The following DOK6 variants were observed in gnomAD, a reference collection of about 807,000 sequenced individuals.
DOK6 encodes docking protein 6, also known as downstream of tyrosine kinase 6.
Under a neutral mutation model 44.0 loss-of-function variants are expected in DOK6, and 22 were observed. That is an observed-to-expected ratio of 0.50 (90% CI 0.36 to 0.71). The LOEUF is 0.71. DOK6 is among the 30% of genes least tolerant of loss of function. The probability of loss-of-function intolerance (pLI) is 0.00; values close to 1 mark genes in which losing one functional copy is unlikely to be tolerated. For synonymous variants in DOK6, 166 were observed against 145.5 expected, an observed-to-expected ratio of 1.14 and a Z score of -1.01; for missense variants, 340 against 416.4, an observed-to-expected ratio of 0.82 and a Z score of 1.60.
chr18:69,463,662 C>T (rs770522779), intron 1 of DOK6, among the ~76,000 whole-genome samples: 10 of 151,014 alleles, frequency 6.6e-5, no homozygotes, highest in East Asian at 2.0e-4. Context: ...TGTGTATCTG[C>T]GTGTAAATAT....
intron 1 of DOK6, among the ~76,000 whole-genome samples, chr18:69,409,643 T>C (rs1312969993): frequency 2.0e-5 from 3 of 152,206 alleles, no homozygotes; most frequent in Non-Finnish European, 4.4e-5. Flanking sequence ...AACCATTTTA[T>C]GTCTACATTG....
intron 7 of DOK6, among the ~76,000 whole-genome samples, chr18:69,810,050 G>A (rs978532929): frequency 1.4e-4 from 21 of 151,932 alleles, no homozygotes; most frequent in Admixed American, 5.9e-4. Flanking sequence ...AAGGAACAAA[G>A]CTGGAGGCAT....
chr18:69,712,666 G>A lies in DOK6; in HGVS notation c.599+14073G>A, dbSNP rs147934838. 3.3e-3 allele frequency among the ~76,000 whole-genome samples: 508 copies of A among 152,216 alleles called. 4 individuals are homozygous for A. Among genetic ancestry groups the A allele is most frequent in the South Asian group, 0.013 (63 of 4,816 alleles). ...TTGAGACCAGCCTGGCCAACATGGC[G>A]AAACCCCCCATCTCTACTAAAAATA... is the stretch of plus-strand genomic sequence containing the variant. On this transcript the variant is annotated intron_variant, in intron 5 of 7. Coordinates refer to ENST00000382713, the MANE Select transcript of DOK6 (RefSeq NM_152721.6).
intron 1 of DOK6, among the ~76,000 whole-genome samples, chr18:69,486,508 T>A (rs2144535558): frequency 6.6e-6 from 1 of 152,328 alleles, no homozygotes; most frequent in Middle Eastern, 3.4e-3. Flanking sequence ...AAATCTGCCA[T>A]CCAGAATGGA....
At chr18:69,630,046 C>T (rs1984654986) in intron 3 of DOK6, among the ~76,000 whole-genome samples, 1 of 152,116 alleles carries the variant, frequency 6.6e-6, no homozygotes, top group Non-Finnish European at 1.5e-5. Context: ...TGGTCTTTAA[C>T]ATACCCTCAG....
intron 3 of DOK6, among the ~76,000 whole-genome samples, chr18:69,640,267 T>G (rs1357538398): frequency 2.6e-5 from 4 of 152,182 alleles, no homozygotes; most frequent in Non-Finnish European, 5.9e-5. Context: ...CAAAATACAT[T>G]CTGAAAATAC....
At chr18:69,724,246 C>A (rs1307876436) in intron 5 of DOK6, among the ~76,000 whole-genome samples, 1 of 152,012 alleles carries the variant, frequency 6.6e-6, no homozygotes, top group Non-Finnish European at 1.5e-5. Flanking sequence ...CAGAGCAATA[C>A]AAAACTTTTT....
intron 3 of DOK6, among the ~76,000 whole-genome samples, chr18:69,619,501 G>A (rs1984390801): frequency 6.6e-6 from 1 of 152,180 alleles, no homozygotes; most frequent in Non-Finnish European, 1.5e-5. Context: ...GGCACTACAT[G>A]CCTCTTGGAA....
intron 1 of DOK6, among the ~76,000 whole-genome samples, chr18:69,433,668 G>GA (rs945060171): frequency 8.1e-4 from 119 of 146,664 alleles, no homozygotes; most frequent in African/African-American, 2.2e-3. Flanking sequence ...TGTATATATT[G>GA]AAAAAAAAAC....
At chr18:69,539,795 T>C (rs1568290106) in intron 1 of DOK6, among the ~76,000 whole-genome samples, 2 of 152,314 alleles carry the variant, frequency 1.3e-5, no homozygotes, top group Middle Eastern at 3.4e-3. Context: ...GTGGGAATGA[T>C]GGTTCAAAGT....
intron 7 of DOK6, among the ~76,000 whole-genome samples, chr18:69,830,807 A>T (rs564674797): frequency 6.6e-6 from 1 of 152,134 alleles, no homozygotes; most frequent in Non-Finnish European, 1.5e-5. Context: ...TGTTTAAAGA[A>T]CTTCTATAAG....
At position 69,698,340 on chromosome 18, in the gene DOK6, C is replaced by T. The variant is rs1332623235; in HGVS notation, c.410-64C>T. 1.2e-5 allele frequency: 17 copies of T among 1,425,392 alleles called. 1 individual carries two copies. The highest frequency in any genetic ancestry group is 7.0e-5 in the East Asian group (3 of 42,934). The allele number at this position is 1,425,392 out of a possible 1,614,324, so 88.3% of individuals were successfully genotyped here. ...AGTCTGTAGATAAACAAATTAATAT[C>T]GTATGGCCATAGACACTCACACCTC... is the stretch of plus-strand genomic sequence containing the variant. On this transcript the variant is annotated intron_variant, in intron 4 of 7. Transcript: ENST00000382713.
intron 7 of DOK6, among the ~76,000 whole-genome samples, chr18:69,806,881 T>C (rs750408216): frequency 6.6e-6 from 1 of 151,980 alleles, no homozygotes; most frequent in Non-Finnish European, 1.5e-5. Context: ...ATATGGAAAG[T>C]AGAATCAATA....
intron 1 of DOK6, among the ~76,000 whole-genome samples, chr18:69,437,888 G>C (rs1979026968): frequency 6.6e-6 from 1 of 152,180 alleles, no homozygotes; most frequent in Non-Finnish European, 1.5e-5. Flanking sequence ...GCATATAAAA[G>C]TCATGTTCAC....
Position 69,599,986 on chromosome 18 carries a change from C to T in DOK6, c.289+488C>T, listed in dbSNP as rs142441043. On this transcript the variant is annotated intron_variant, in intron 3 of 7. Coordinates refer to ENST00000382713, the MANE Select transcript of DOK6 (RefSeq NM_152721.6). ...CAGATTGAATTTTAGCATCTCAGTT[C>T]GTAAAGCACTCTGACATTATTGAGA... Among the ~76,000 whole-genome samples the T allele has an allele frequency of 4.1e-4, 62 of 152,274 alleles. 1 individual carries two copies. In the East Asian group the frequency reaches 9.3e-3, roughly 23 times the overall value.
intron 1 of DOK6, among the ~76,000 whole-genome samples, chr18:69,491,835 A>G (rs1013736694): frequency 1.6e-4 from 24 of 152,256 alleles, no homozygotes; most frequent in African/African-American, 5.5e-4. Flanking sequence ...CTATAAATAT[A>G]TAAATCATCT....
At chr18:69,770,534 T>A (rs1979856867) in intron 7 of DOK6, among the ~76,000 whole-genome samples, 1 of 152,126 alleles carries the variant, frequency 6.6e-6, no homozygotes, top group Admixed American at 6.6e-5. Context: ...GGAAGCCATC[T>A]AAGCAATTTG....
chr18:69,669,688 C>T (rs1453838268), intron 3 of DOK6, among the ~76,000 whole-genome samples: 1 of 152,178 alleles, frequency 6.6e-6, no homozygotes, highest in Non-Finnish European at 1.5e-5. Context: ...GCCGACCCTC[C>T]TGGCTCTTGT....
chr18:69,447,081 G>T (rs945472145), intron 1 of DOK6, among the ~76,000 whole-genome samples: 11 of 152,114 alleles, frequency 7.2e-5, no homozygotes, highest in African/African-American at 2.7e-4. Context: ...TGTCAATTTT[G>T]GCTTTTGTTG....
Sources: gnomAD v4.1 joint callset for allele counts (sites outside exome capture counted in the v4.1 genomes callset) on GRCh38, gnomAD v4.1.1 for gene constraint, MANE v1.5 for transcripts, NCBI Gene and HGNC (gene_info 2026-07-23, HGNC 2026-07-21) for gene names.